NFIB: variants seen among roughly 807,000 people sequenced by gnomAD.
NFIB encodes the protein nuclear factor I B.
In NFIB, 11 loss-of-function variants were observed where a neutral mutation model predicts 61.5. That is an observed-to-expected ratio of 0.18 (90% confidence interval 0.11 to 0.30). The LOEUF (loss-of-function observed/expected upper bound fraction) is 0.30, where lower values mean the gene tolerates loss of function less well. Ranked by LOEUF, NFIB falls within the 10% of genes least tolerant of loss-of-function variation. The pLI is 1.00. For synonymous variants in NFIB, 260 were observed against 216.5 expected (o/e 1.20, Z -1.76); for missense variants, 471 against 608.9 (o/e 0.77, Z 2.38).
the NFIB span, among the ~76,000 whole-genome samples, chr9:14,473,600 G>C: frequency 6.6e-6 from 1 of 152,060 alleles, no homozygotes; most frequent in Non-Finnish European, 1.5e-5. Flanking sequence ...CTCTTATCGG[G>C]CTCCCATTTC....
At chr9:14,173,075 A>C (rs1185162962) in intron 3 of NFIB, among the ~76,000 whole-genome samples, 2 of 152,234 alleles carry the variant, frequency 1.3e-5, no homozygotes, top group Admixed American at 1.3e-4. Context: ...ATTCCACATC[A>C]AATGATACTT....
At chr9:14,241,412 G>A (rs1331239296) in intron 2 of NFIB, among the ~76,000 whole-genome samples, 1 of 152,168 alleles carries the variant, frequency 6.6e-6, no homozygotes, top group Non-Finnish European at 1.5e-5. Flanking sequence ...TGATAGGACA[G>A]AAGTAGCTGC....
rs756946266 is a variant in NFIB at position 14,179,719 on chromosome 9, A to G, written c.616+8T>C. 2.5e-5 allele frequency: 40 copies of G among 1,613,476 alleles called. No individual in the cohort carries two copies. The South Asian group carries it at 4.2e-4, about 17-fold the overall frequency. On this transcript the variant is annotated splice_region_variant and intron_variant, in intron 3 of 10. Coordinates refer to ENST00000380953, the MANE Select transcript of NFIB (RefSeq NM_001190737.2). ...TCAGATTGCAAATGTCCTGGAACAC[A>G]TATTTACCTGGAGGATTCTTGGCAG...
chr9:14,214,465 C>G (rs1213808551), intron 2 of NFIB, among the ~76,000 whole-genome samples: 2 of 152,212 alleles, frequency 1.3e-5, no homozygotes, highest in African/African-American at 4.8e-5. Flanking sequence ...AGCTCCTCAG[C>G]AAGCACACAT....
chr9:14,478,461 T>C, the NFIB span, among the ~76,000 whole-genome samples: 9 of 152,260 alleles, frequency 5.9e-5, no homozygotes, highest in South Asian at 1.5e-3. Flanking sequence ...AAGTACTGAG[T>C]AGAACACCAT....
intron 6 of NFIB, among the ~76,000 whole-genome samples, chr9:14,143,766 G>C (rs1214103353): frequency 6.6e-6 from 1 of 152,170 alleles, no homozygotes; most frequent in Non-Finnish European, 1.5e-5. Flanking sequence ...AGGGAAGTGT[G>C]TCTAAAGAAC....
chr9:14,107,200 T>G (rs1398828089), intron 10 of NFIB, among the ~76,000 whole-genome samples: 1 of 151,944 alleles, frequency 6.6e-6, no homozygotes, highest in Non-Finnish European at 1.5e-5. Flanking sequence ...ATTACCTACA[T>G]GGAGCAAATT....
chr9:14,098,629 A>G (rs2035251850), intron 10 of NFIB, among the ~76,000 whole-genome samples: 1 of 152,206 alleles, frequency 6.6e-6, no homozygotes, highest in Non-Finnish European at 1.5e-5. Context: ...AACAGTACCT[A>G]CCTTAAGCAG....
chr9:14,442,045 C>T, the NFIB span, among the ~76,000 whole-genome samples: 70 of 152,296 alleles, frequency 4.6e-4, no homozygotes, highest in African/African-American at 1.4e-3. Context: ...GGAGAACCTT[C>T]GGTATGATTT....
chr9:14,511,995 G>A, the NFIB span, among the ~76,000 whole-genome samples: 4 of 152,052 alleles, frequency 2.6e-5, no homozygotes, highest in African/African-American at 9.7e-5. Flanking sequence ...TTTTATTTAG[G>A]TATAAAGAAC....
intron 9 of NFIB, 170 bp downstream of exon 9, chr9:14,116,038 C>A: frequency 1.5e-6 from 1 of 687,908 alleles, no homozygotes; most frequent in East Asian, 3.4e-5. Context: ...ATAGCAGGGC[C>A]ACATCCATGC....
chr9:14,528,548 A>G, the NFIB span, among the ~76,000 whole-genome samples: 1 of 152,194 alleles, frequency 6.6e-6, no homozygotes, highest in Non-Finnish European at 1.5e-5. Context: ...TGGCAAATTA[A>G]TTTTCAAATT....
upstream of NFIB, among the ~76,000 whole-genome samples, chr9:14,399,539 C>T (rs553838267): frequency 3.3e-5 from 5 of 152,160 alleles, no homozygotes; most frequent in East Asian, 5.8e-4. Context: ...ATTACAAATA[C>T]CTACCCTTTG....
chr9:14,116,159 C>T (rs1437153859), intron 9 of NFIB, 49 bp downstream of exon 9: 1 of 1,433,920 alleles, frequency 7.0e-7, no homozygotes, highest in Admixed American at 2.5e-5. Context: ...GGACATTTCT[C>T]ATTTCCTATG....
intron 3 of NFIB, among the ~76,000 whole-genome samples, chr9:14,167,995 A>G (rs2045096808): frequency 6.6e-6 from 1 of 152,234 alleles, no homozygotes; most frequent in East Asian, 1.9e-4. Context: ...ATACCTCTCT[A>G]CAAAATTCAT....
intron 1 of NFIB, among the ~76,000 whole-genome samples, chr9:14,383,872 C>G (rs2061518918): frequency 2.6e-5 from 4 of 152,228 alleles, no homozygotes; most frequent in Admixed American, 1.3e-4. Flanking sequence ...TTGGCAACTG[C>G]CTCTTGGGAA....
Position 14,313,612 on chromosome 9 carries a change from C to G in NFIB, c.-101G>C. ...TTACAGTCATCTGAGCCCCGCGATG[C>G]GATCAATCAGGACGGGGCTCTGCGC... On this transcript the variant is annotated 5_prime_UTR_variant, in exon 1 of 11. Coordinates refer to ENST00000380953, the MANE Select transcript of NFIB (RefSeq NM_001190737.2). The surrounding 1 kb of genome is among the most constrained non-coding windows in gnomAD (Gnocchi z 4.5). The G allele has an allele frequency of 6.2e-7, 1 of 1,600,570 alleles. No homozygotes were observed. The highest frequency in any genetic ancestry group is 8.5e-7 in the Non-Finnish European group (1 of 1,173,252).
chr9:14,227,592 C>T (rs186313840), intron 2 of NFIB, among the ~76,000 whole-genome samples: 79 of 152,214 alleles, frequency 5.2e-4, no homozygotes, highest in Admixed American at 2.7e-3. Flanking sequence ...TACAACGGTA[C>T]TGTAATCATG....
At chr9:14,458,596 A>G in the NFIB span, among the ~76,000 whole-genome samples, 2 of 152,228 alleles carry the variant, frequency 1.3e-5, no homozygotes, top group Non-Finnish European at 2.9e-5. Context: ...TGCAGATGAC[A>G]TGATTGTATA....
Sources: gnomAD v4.1 joint callset for allele counts (sites outside exome capture counted in the v4.1 genomes callset) on GRCh38, gnomAD v4.1.1 for gene constraint, Gnocchi (gnomAD v3.1) non-coding constraint, MANE v1.5 for transcripts, NCBI Gene and HGNC (gene_info 2026-07-23, HGNC 2026-07-21) for gene names.